FAM107A: variants seen among roughly 807,000 people sequenced by gnomAD.
FAM107A encodes actin-associated protein FAM107A.
In FAM107A, 19 loss-of-function variants were observed where a neutral mutation model predicts 13.7. The observed-to-expected ratio is 1.38, with a 90% confidence interval of 0.97 to 2.03. The LOEUF (loss-of-function observed/expected upper bound fraction) is 2.03. Among genes scored for constraint, FAM107A ranks in the 30% most tolerant of loss-of-function variants. FAM107A has a pLI of 0.00. For synonymous variants in FAM107A, 82 were observed against 74.5 expected (o/e 1.10, Z -0.52); for missense variants, 203 against 184.4 (o/e 1.10, Z -0.58).
chr3:58,567,506 G>T, intron 2 of FAM107A, 142 bp from the exon 3 acceptor site: 1 of 927,712 alleles, frequency 1.1e-6, no homozygotes, highest in Non-Finnish European at 1.6e-6. Context: ...ACCCATTACT[G>T]TCCCATTTTA....
chr3:58,566,739 G>A, intron 3 of FAM107A, 44 bp from the exon 4 acceptor site: 1 of 1,474,670 alleles, frequency 6.8e-7, no homozygotes, highest in South Asian at 1.1e-5. Context: ...GGAGCTAGGG[G>A]GATTCCTACT....
intron 1 of FAM107A, among the ~76,000 whole-genome samples, chr3:58,571,724 G>T (rs77853035): frequency 6.6e-6 from 1 of 152,154 alleles, no homozygotes. Context: ...ATTGTCAAGT[G>T]TCGCCCATCC....
chr3:58,586,447 A>G (rs2065606432), intron 1 of FAM107A, among the ~76,000 whole-genome samples: 1 of 152,188 alleles, frequency 6.6e-6, no homozygotes, highest in Non-Finnish European at 1.5e-5. Context: ...AAAGTAATTA[A>G]AAAGAATGAC....
At position 58,565,041 on chromosome 3, in the gene FAM107A, T is replaced by C. The variant is rs1164689829; in HGVS notation, c.*1547A>G. On this transcript the variant is annotated 3_prime_UTR_variant, in exon 4 of 4. Coordinates refer to ENST00000360997, the MANE Select transcript of FAM107A (RefSeq NM_001076778.3). ...AGAGCATGCCAGTGGCAGCTATCTG[T>C]GGCAGTTTTGGGAAAGTGAAAGGAG... 1 of 152,234 alleles carries C rather than the reference T, an allele frequency of 6.6e-6. No individual in the cohort carries two copies. 9.4% of individuals were successfully genotyped at this position (152,234 alleles called of 1,614,324 possible).
At chr3:58,621,155 AATAG>A (rs1218117939) in intron 1 of FAM107A, among the ~76,000 whole-genome samples, 6 of 152,180 alleles carry the variant, frequency 3.9e-5, no homozygotes, top group African/African-American at 1.4e-4. Flanking sequence ...CTAGCGGGTA[AATAG>A]ATAGAGTAAA....
chr3:58,567,178 C>T (rs1267327534), intron 3 of FAM107A, 30 bp downstream of exon 3: 12 of 1,613,508 alleles, frequency 7.4e-6, no homozygotes, highest in South Asian at 2.2e-5. Context: ...CTGGAGGATG[C>T]GTGGTCCCTG....
intron 1 of FAM107A, among the ~76,000 whole-genome samples, chr3:58,602,931 T>C (rs1208732838): frequency 6.6e-6 from 1 of 152,186 alleles, no homozygotes; most frequent in Non-Finnish European, 1.5e-5. Flanking sequence ...TACATAGGTA[T>C]GTTATGTGAA....
intron 1 of FAM107A, among the ~76,000 whole-genome samples, chr3:58,618,051 G>C (rs2065919859): frequency 6.6e-6 from 1 of 152,166 alleles, no homozygotes; most frequent in Non-Finnish European, 1.5e-5. Context: ...TTTGTGGCTG[G>C]GTTTGTGGTG....
upstream of FAM107A, among the ~76,000 whole-genome samples, chr3:58,588,321 G>C (rs1245146243): frequency 6.6e-6 from 1 of 152,248 alleles, no homozygotes; most frequent in Non-Finnish European, 1.5e-5. Context: ...TTTGCGGCCT[G>C]TTACCAGCCT....
Position 58,604,373 on chromosome 3 carries a change from C to T in FAM107A, c.-69-15104G>A, listed in dbSNP as rs12489778. On this transcript the variant is annotated intron_variant, in intron 1 of 3. Transcript: ENST00000465970. The surrounding 1 kb of genome is among the most constrained non-coding windows in gnomAD (Gnocchi z 4.1). ...GCCTCAGCTCAGAGCATGTCCTGGG[C>T]TGATAACAGGTCCTGTGCCAGACAG... Among the ~76,000 whole-genome samples the T allele has an allele frequency of 0.25, 37,649 of 151,912 alleles. 5,216 individuals carry two copies. Among genetic ancestry groups the T allele is most frequent in the South Asian group, 0.46 (2,224 of 4,798 alleles).
intron 1 of FAM107A, among the ~76,000 whole-genome samples, chr3:58,616,560 CA>C: frequency 6.9e-6 from 1 of 144,332 alleles, no homozygotes; most frequent in African/African-American, 2.5e-5. Context: ...CACACACACA[CA>C]CACACACCAC....
intron 1 of FAM107A, among the ~76,000 whole-genome samples, chr3:58,599,802 T>A (rs2065738878): frequency 7.3e-6 from 1 of 136,804 alleles, no homozygotes; most frequent in Non-Finnish European, 1.6e-5. Context: ...ACTGCAACAT[T>A]TGCCTCCTGG....
chr3:58,623,711 T>G (rs2065980849), intron 1 of FAM107A, among the ~76,000 whole-genome samples: 1 of 152,184 alleles, frequency 6.6e-6, no homozygotes, highest in Admixed American at 6.5e-5. Flanking sequence ...GGGTCAAATG[T>G]TAACTCCACC....
chr3:58,614,490 T>G (rs1381347931), intron 1 of FAM107A, among the ~76,000 whole-genome samples: 1 of 151,220 alleles, frequency 6.6e-6, no homozygotes, highest in Non-Finnish European at 1.5e-5. Flanking sequence ...ATTCAATTTC[T>G]TATCTTTCTT....
In FAM107A at chr3:58,604,962, C is replaced by T. The variant is rs1383349336; in HGVS notation, c.-69-15693G>A. 6.6e-6 allele frequency among the ~76,000 whole-genome samples: 1 copy of T among 152,140 alleles called. No individual in the cohort carries two copies. The highest frequency in any genetic ancestry group is 1.5e-5 in the Non-Finnish European group (1 of 68,036). On this transcript the variant is annotated intron_variant, in intron 1 of 3. Coordinates refer to the FAM107A transcript ENST00000465970. The surrounding 1 kb of genome is among the most constrained non-coding windows in gnomAD (Gnocchi z 4.1). ...TTAGGTTTTGTTTTAGCAGGCAGTACAATTATTAGGTGATCCCTTTGAAGT... is the reference window on the plus strand; with the variant it reads ...TTAGGTTTTGTTTTAGCAGGCAGTATAATTATTAGGTGATCCCTTTGAAGT...
chr3:58,624,602 T>C (rs1575460962), intron 1 of FAM107A, among the ~76,000 whole-genome samples: 1 of 152,178 alleles, frequency 6.6e-6, no homozygotes, highest in South Asian at 2.1e-4. Context: ...GCTCCAAGGG[T>C]GGGCTCTGGT....
chr3:58,567,486 T>C, intron 2 of FAM107A, 122 bp from the exon 3 acceptor site: 3 of 1,102,866 alleles, frequency 2.7e-6, no homozygotes, highest in Non-Finnish European at 3.8e-6. Context: ...CCCTGTAGCC[T>C]TGGAGGTGGA....
upstream of FAM107A, chr3:58,589,383 A>G (rs6445991): frequency 0.82 from 566,892 of 688,946 alleles, 234,459 homozygotes; most frequent in East Asian, 1. Context: ...GACTGGTCAG[A>G]GTCAAAGTCC....
At chr3:58,589,554 A>C (rs914367948), upstream of FAM107A, among the ~76,000 whole-genome samples, 5 of 152,198 alleles carry the variant, frequency 3.3e-5, no homozygotes, top group Non-Finnish European at 5.9e-5. Context: ...AGTTAACAAG[A>C]TAGTACAGAG....
Sources: allele counts gnomAD v4.1 joint callset (sites outside exome capture counted in the v4.1 genomes callset), GRCh38; gene constraint gnomAD v4.1.1; non-coding constraint Gnocchi (gnomAD v3.1); transcripts MANE v1.5; gene names NCBI Gene and HGNC (gene_info 2026-07-23, HGNC 2026-07-21).